PLEKHG6: variants seen among roughly 807,000 people sequenced by gnomAD.
The protein encoded by PLEKHG6 is pleckstrin homology domain-containing family G member 6.
In PLEKHG6, 91 loss-of-function variants were observed where a neutral mutation model predicts 97.5. That is an observed-to-expected ratio of 0.93 (90% CI 0.79 to 1.11). The LOEUF is 1.11. Ranked by LOEUF, PLEKHG6 falls within the 50% of genes most tolerant of loss-of-function variation. The pLI is 0.00. For missense variants in PLEKHG6, 1,044 were observed against 1,031.0 expected (o/e 1.01, Z -0.17); for synonymous variants, 466 against 425.5 (o/e 1.10, Z -1.17).
chr12:6,318,281 C>CT lies in PLEKHG6; in HGVS notation c.1156-19dup, dbSNP rs1016170575. The CT allele has an allele frequency of 6.2e-7, 1 of 1,613,732 alleles. No homozygotes were observed. Among genetic ancestry groups the CT allele is most frequent in the Non-Finnish European group, 8.5e-7 (1 of 1,179,942 alleles). The stretch of plus-strand genomic sequence containing the variant: ...GGCAGACTGCCGAGCGCCCTGACCC[C>CT]TCCCCTCTGTGTCCCTCAGAACCTG... On this transcript the variant is annotated intron_variant, in intron 10 of 15. Transcript: ENST00000684764.
chr12:6,314,725 C>G (rs1027111329), intron 3 of PLEKHG6, among the ~76,000 whole-genome samples: 4 of 152,092 alleles, frequency 2.6e-5, no homozygotes, highest in Non-Finnish European at 5.9e-5. Flanking sequence ...GTCAGGGAGC[C>G]TAGATCAGAC....
At chr12:6,326,058 G>A (rs1488959092) in intron 13 of PLEKHG6, among the ~76,000 whole-genome samples, 2 of 152,164 alleles carry the variant, frequency 1.3e-5, no homozygotes, top group East Asian at 3.9e-4. Context: ...TCTAATTCCA[G>A]CACTTTGGGA....
At chr12:6,325,499 TGAGG>T (rs563905742) in intron 13 of PLEKHG6, among the ~76,000 whole-genome samples, 14 of 152,220 alleles carry the variant, frequency 9.2e-5, no homozygotes, top group Non-Finnish European at 2.9e-5. Context: ...ATGAAATCGC[TGAGG>T]GAGGGAGAAG....
In PLEKHG6 at chr12:6,316,514, C is replaced by T. The variant is rs1056631559; in HGVS notation, c.756+110C>T. 7.6e-6 allele frequency: 8 copies of T among 1,052,484 alleles called. No individual in the cohort carries two copies. Among genetic ancestry groups the T allele is most frequent in the Non-Finnish European group, 9.4e-6 (7 of 745,860 alleles). The allele number at this position is 1,052,484 out of a possible 1,614,324, so 65.2% of individuals were successfully genotyped here. Reference sequence around the variant, plus strand: ...CAAATCTCTGTGATTTGAGGGGCCGCAGGACACAGCCCCTACCCCTAATAT... The same window carrying T: ...CAAATCTCTGTGATTTGAGGGGCCGTAGGACACAGCCCCTACCCCTAATAT... On this transcript the variant is annotated intron_variant, in intron 7 of 15. Coordinates refer to ENST00000684764, the MANE Select transcript of PLEKHG6 (RefSeq NM_001384598.1). This position sits in a 1 kb window ranked among gnomAD's most constrained non-coding sequence, Gnocchi z 4.1.
In PLEKHG6 at chr12:6,327,915, A is replaced by C. The variant is rs765920492; in HGVS notation, c.2332A>C (p.Ile778Leu). Residue 778 changes from isoleucine (I) to leucine (L), a missense_variant, in exon 15 of 16, where the codon ATC becomes CTC. By Grantham distance (5) the Ile-to-Leu change is conservative. Transcript: ENST00000684764. ...AQLQRMRGPH[I>L]IQLDTPLSAS... is the part of the protein sequence containing the mutation. ...GCTGCAGAGGATGCGGGGGCCCCAC[A>C]TCATTCAGCTGGACACCCCTCTGTC... 2 of 1,482,550 alleles carry C rather than the reference A, an allele frequency of 1.3e-6. No individual in the cohort carries two copies. Among genetic ancestry groups the C allele is most frequent in the African/African-American group, 2.8e-5 (2 of 71,038 alleles). 91.8% of individuals were successfully genotyped at this position (1,482,550 alleles called of 1,614,324 possible).
chr12:6,311,451 C>T (rs529816584), intron 1 of PLEKHG6, among the ~76,000 whole-genome samples: 10 of 152,278 alleles, frequency 6.6e-5, no homozygotes, highest in Non-Finnish European at 1.3e-4. Flanking sequence ...TCAGTAAAGG[C>T]CAGACAGTAA....
chr12:6,324,714 T>G (rs1463167436), intron 13 of PLEKHG6, among the ~76,000 whole-genome samples: 1 of 152,138 alleles, frequency 6.6e-6, no homozygotes, highest in Non-Finnish European at 1.5e-5. Flanking sequence ...AAAAGCAGAA[T>G]GGGAACTATA....
rs1565457372 is a variant in PLEKHG6 at position 6,317,459 on chromosome 12, G to C, written c.867+46G>C. On this transcript the variant is annotated intron_variant, in intron 8 of 15. Transcript: ENST00000684764. ...GAGGGGGACGGGTGCATCTTAGCCG[G>C]CCGGTCTCCAGCTGAGCCTGAGGCT... 9 of 1,609,890 alleles carry C rather than the reference G, an allele frequency of 5.6e-6. No homozygotes were observed. The South Asian group carries it at 9.9e-5, about 18-fold the overall frequency.
At chr12:6,312,877 A>C in intron 2 of PLEKHG6, 1 of 1,339,446 alleles carries the variant, frequency 7.5e-7, no homozygotes, top group South Asian at 1.7e-5. Flanking sequence ...AGGGGTGTGG[A>C]AGCCAGGTCT....
At position 6,328,227 on chromosome 12, in the gene PLEKHG6, A is replaced by G; in HGVS notation, c.*82A>G. On this transcript the variant is annotated 3_prime_UTR_variant, in exon 16 of 16. Coordinates refer to ENST00000684764, the MANE Select transcript of PLEKHG6 (RefSeq NM_001384598.1). ...TGCTGGTCACCCTCCGGCATCTGTG[A>G]CTCTACCTCAAGGACCACATTTCCC... The G allele has an allele frequency of 1.4e-6, 2 of 1,396,844 alleles. No homozygotes were observed. The highest frequency in any genetic ancestry group is 2.0e-6 in the Non-Finnish European group (2 of 987,254). 86.5% of individuals were successfully genotyped at this position (1,396,844 alleles called of 1,614,324 possible).
chr12:6,312,126 A>T, intron 1 of PLEKHG6, 33 bp from the exon 2 acceptor site: 1 of 999,636 alleles, frequency 1.0e-6, no homozygotes. Context: ...CTGATTGGGG[A>T]TGGCCCTTCC....
chr12:6,316,130 G>T lies in PLEKHG6; in HGVS notation c.607-125G>T, dbSNP rs867522628. 5.9e-6 allele frequency: 6 copies of T among 1,017,374 alleles called. No individual in the cohort carries two copies. Among genetic ancestry groups the T allele is most frequent in the Middle Eastern group, 5.7e-4 (2 of 3,480 alleles). The allele number at this position is 1,017,374 out of a possible 1,614,324, so 63.0% of individuals were successfully genotyped here. A position where few individuals can be genotyped will look rare whatever the true frequency, so the allele number is the denominator to read the frequency against. On this transcript the variant is annotated intron_variant, in intron 6 of 15. Coordinates refer to ENST00000684764, the MANE Select transcript of PLEKHG6 (RefSeq NM_001384598.1). The surrounding 1 kb of genome is among the most constrained non-coding windows in gnomAD (Gnocchi z 4.1). ...ATCCTTGAGATCTTCCAGGCCCAGTGCCCAGTTCATCCTTCTTCACCCCCG... is the reference window on the plus strand; with the variant it reads ...ATCCTTGAGATCTTCCAGGCCCAGTTCCCAGTTCATCCTTCTTCACCCCCG...
chr12:6,317,313 G>A lies in PLEKHG6; in HGVS notation c.767G>A (p.Arg256Gln), dbSNP rs550461953. 3.6e-5 allele frequency: 58 copies of A among 1,613,262 alleles called. No homozygotes were observed. The highest frequency in any genetic ancestry group is 4.6e-5 in the Non-Finnish European group (54 of 1,179,326). Residue 256 changes from arginine to glutamine, a missense_variant, in exon 8 of 16, where the codon CGG becomes CAG. Arg to Gln is a conservative substitution (Grantham distance 43, BLOSUM62 1). Coordinates refer to ENST00000684764, the MANE Select transcript of PLEKHG6 (RefSeq NM_001384598.1). ...LQSGFLTFGQ[R>Q]FHPYVQYCLR... is the part of the protein sequence containing the mutation. The stretch of plus-strand genomic sequence containing the variant: ...TATCTGTCTCTCCAGTTTGGCCAGC[G>A]GTTCCACCCCTATGTCCAGTACTGC...
Position 6,317,900 on chromosome 12 carries a change from T to G in PLEKHG6, c.1061T>G (p.Val354Gly). The G allele has an allele frequency of 1.3e-6, 2 of 1,558,954 alleles. No individual in the cohort carries two copies. Among genetic ancestry groups the G allele is most frequent in the Non-Finnish European group, 1.7e-6 (2 of 1,150,752 alleles). Residue 354 changes from valine (V) to glycine (G), a missense_variant, in exon 10 of 16, where the codon GTC (valine) becomes GGC (glycine). Val to Gly is a moderately radical substitution (Grantham distance 109, BLOSUM62 -3). Coordinates refer to ENST00000684764, the MANE Select transcript of PLEKHG6 (RefSeq NM_001384598.1). ...TTCCTGCGACACATCAATGGGCAGG[T>G]CCGCCAGGGCGAAGAGCAAGAGAGC... Reference protein sequence around the residue: ...ESFLRHINGQVRQGEEQESLA... With the variant: ...ESFLRHINGQGRQGEEQESLA...
rs749992773 is a variant in PLEKHG6 at position 6,327,846 on chromosome 12, G to A, written c.2263G>A (p.Glu755Lys). The change falls in exon 15 of 16, where the codon GAG becomes AAG. Residue 755 changes from glutamate (E) to lysine (K), a missense_variant. Physicochemically the swap from Glu to Lys is moderately conservative, Grantham distance 56 (BLOSUM62 1). Transcript: ENST00000684764. Reference sequence around the variant, plus strand: ...GGCCAGCCAAAGGATTGAGGGGGCCGAGGAGCCCCGGGACAGCAGGCCACG... The same window carrying A: ...GGCCAGCCAAAGGATTGAGGGGGCCAAGGAGCCCCGGGACAGCAGGCCACG... ...ELASQRIEGA[E>K]EPRDSRPRKL... 4.4e-5 allele frequency: 66 copies of A among 1,506,628 alleles called. No individual in the cohort carries two copies. In the East Asian group the frequency reaches 9.0e-4, roughly 20 times the overall value. The allele number at this position is 1,506,628 out of a possible 1,614,324, so 93.3% of individuals were successfully genotyped here.
rs779548424 is a variant in PLEKHG6 at position 6,317,399 on chromosome 12, C to T, written c.853C>T (p.His285Tyr). ...REQQETNPLF[H>Y]AFVQWCEKHK... ...ACAGCAAGAAACTAACCCTCTCTTC[C>T]ATGCCTTCGTGCAGGTGGGAGAAGG... The change falls in exon 8 of 16, where the codon CAT becomes TAT. Residue 285 changes from histidine to tyrosine, a missense_variant. Coordinates refer to ENST00000684764, the MANE Select transcript of PLEKHG6 (RefSeq NM_001384598.1). 5.8e-5 allele frequency: 93 copies of T among 1,613,620 alleles called. No individual in the cohort carries two copies. Among genetic ancestry groups the T allele is most frequent in the Non-Finnish European group, 7.5e-5 (89 of 1,179,694 alleles).
rs540293160 is a variant in PLEKHG6 at position 6,314,943 on chromosome 12, G to A, written c.295-62G>A. Reference sequence around the variant, plus strand: ...ACATGCACACACACACAGCCCTCCCGGGGCCCTGTGGCTGGGTGCCAAGGA... The same window carrying A: ...ACATGCACACACACACAGCCCTCCCAGGGCCCTGTGGCTGGGTGCCAAGGA... On this transcript the variant is annotated intron_variant, in intron 3 of 15. Transcript: ENST00000684764. 172 of 1,524,908 alleles carry A rather than the reference G, an allele frequency of 1.1e-4. No individual in the cohort carries two copies. In the African/African-American group the frequency reaches 1.7e-3, roughly 15 times the overall value. 94.5% of individuals were successfully genotyped at this position (1,524,908 alleles called of 1,614,324 possible).
Position 6,327,592 on chromosome 12 carries a change from A to G in PLEKHG6, c.2009A>G (p.Glu670Gly). 6.3e-7 allele frequency: 1 copy of G among 1,589,878 alleles called. No individual in the cohort carries two copies. The highest frequency in any genetic ancestry group is 8.6e-7 in the Non-Finnish European group (1 of 1,168,636). The change falls in exon 15 of 16, where the codon GAA (glutamate) becomes GGA (glycine). Residue 670 changes from glutamate (E) to glycine (G), a missense_variant. By Grantham distance (98) the Glu-to-Gly change is moderately conservative (BLOSUM62 -2). Transcript: ENST00000684764. ...GAAGACCCACCAACCTGGTCTGAGGAAGAAGATGGGGCCTCCGAGCGAGGG... is the reference window on the plus strand; with the variant it reads ...GAAGACCCACCAACCTGGTCTGAGGGAGAAGATGGGGCCTCCGAGCGAGGG... The part of the protein sequence containing the change: ...PQEDPPTWSE[E>G]EDGASERGNV...
chr12:6,318,777 G>A lies in PLEKHG6; in HGVS notation c.1308G>A (p.Val436=). The A allele has an allele frequency of 6.2e-7, 1 of 1,613,828 alleles. No homozygotes were observed. Among genetic ancestry groups the A allele is most frequent in the Non-Finnish European group, 8.5e-7 (1 of 1,179,954 alleles). The change falls in exon 12 of 16, where the codon GTG becomes GTA. Residue 436 remains valine (V), a synonymous_variant. Transcript: ENST00000684764. ...LDVYLFLFSD[V]LLVTKPQRKA... is the part of the protein sequence containing the mutation. ...TGTACCTGTTCCTCTTCTCTGATGT[G>A]CTCCTTGTGACCAAGCCCCAGCGCA...
Sources: gnomAD v4.1 joint callset for allele counts (sites outside exome capture counted in the v4.1 genomes callset) on GRCh38, gnomAD v4.1.1 for gene constraint, Gnocchi (gnomAD v3.1) non-coding constraint, MANE v1.5 for transcripts, NCBI Gene and HGNC (gene_info 2026-07-23, HGNC 2026-07-21) for gene names.